Variants in MAML1 observed in about 807,000 individuals in gnomAD.
MAML1 encodes the protein mastermind like transcriptional coactivator 1.
Under a neutral mutation model 77.1 loss-of-function variants are expected in MAML1, and 14 were observed. The ratio of observed to expected loss-of-function variants is 0.18; its 90% CI spans 0.12 to 0.28. MAML1 has a LOEUF of 0.28. Ranked by LOEUF, MAML1 falls within the 10% of genes least tolerant of loss-of-function variation. The pLI, the probability that MAML1 is intolerant of heterozygous loss-of-function variation, is 1.00. For missense variants in MAML1, 1,217 were observed against 1,327.8 expected, an observed-to-expected ratio of 0.92 and a Z score of 1.30; for synonymous variants, 516 against 551.9, an observed-to-expected ratio of 0.93 and a Z score of 0.91.
rs1284195570 is a variant in MAML1 at position 179,776,259 on chromosome 5, C to T, written c.*1382C>T. The T allele has an allele frequency of 1.0e-6, 1 of 985,814 alleles. No individual in the cohort carries two copies. Among genetic ancestry groups the T allele is most frequent in the African/African-American group, 1.7e-5 (1 of 57,322 alleles). The allele number at this position is 985,814 out of a possible 1,614,324, so 61.1% of individuals were successfully genotyped here. On this transcript the variant is annotated 3_prime_UTR_variant, in exon 5 of 5. Transcript: ENST00000292599. ...GAGTGTTCTGTGGAGAAACTGCAGC[C>T]CCACTTCTGTTTCCCTGGAGTCTCC...
At chr5:179,763,189 G>C (rs1371092378) in intron 1 of MAML1, among the ~76,000 whole-genome samples, 3 of 152,184 alleles carry the variant, frequency 2.0e-5, no homozygotes, top group Non-Finnish European at 2.9e-5. Context: ...TGAAAATCAA[G>C]GAAATGTTAG....
Position 179,733,229 on chromosome 5 carries a change from C to T in MAML1, c.117C>T (p.Ala39=), listed in dbSNP as rs1234405374. The change falls in exon 1 of 5, where the codon GCC becomes GCT. Residue 39 remains alanine, a synonymous_variant. Coordinates refer to ENST00000292599, the MANE Select transcript of MAML1 (RefSeq NM_014757.5). ...GGCGCCACCACAGCACCTGCGAGGC[C>T]CGCTACGAGGCCGTGTCGCCCGAGC... ...LCRRHHSTCE[A]RYEAVSPERL... is the part of the protein sequence containing the mutation. 6.8e-6 allele frequency: 10 copies of T among 1,477,544 alleles called. No individual in the cohort carries two copies. The highest frequency in any genetic ancestry group is 1.5e-5 in the African/African-American group (1 of 68,056). 91.5% of individuals were successfully genotyped at this position (1,477,544 alleles called of 1,614,324 possible). A position where few individuals can be genotyped will look rare whatever the true frequency, so the allele number is the denominator to read the frequency against.
chr5:179,756,331 G>A (rs1413466910), intron 1 of MAML1, among the ~76,000 whole-genome samples: 6 of 151,534 alleles, frequency 4.0e-5, no homozygotes, highest in East Asian at 3.9e-4. Context: ...AGGCTGAGGC[G>A]GGGGAGTGGC....
intron 1 of MAML1, among the ~76,000 whole-genome samples, chr5:179,739,353 CAAATA>C (rs916451483): frequency 2.7e-5 from 4 of 150,640 alleles, no homozygotes; most frequent in African/African-American, 9.7e-5. Flanking sequence ...CTCCATCTCT[CAAATA>C]GAATAGAATA....
chr5:179,749,363 T>C (rs1266213737), intron 1 of MAML1, among the ~76,000 whole-genome samples: 2 of 152,156 alleles, frequency 1.3e-5, no homozygotes, highest in African/African-American at 4.8e-5. Flanking sequence ...CAACCTCAAG[T>C]GATCCGCTTG....
At chr5:179,742,301 CA>C (rs1460225692) in intron 1 of MAML1, among the ~76,000 whole-genome samples, 1 of 151,476 alleles carries the variant, frequency 6.6e-6, no homozygotes, top group Non-Finnish European at 1.5e-5. Flanking sequence ...CCAGTCTGGC[CA>C]ATATGGTGAA....
chr5:179,774,054 C>T lies in MAML1; in HGVS notation c.2228C>T (p.Ala743Val). 1 of 1,614,162 alleles carries T rather than the reference C, an allele frequency of 6.2e-7. No homozygotes were observed. The highest frequency in any genetic ancestry group is 8.5e-7 in the Non-Finnish European group (1 of 1,180,054). The change falls in exon 5 of 5, where the codon GCT becomes GTT. Residue 743 changes from alanine to valine, a missense_variant. Coordinates refer to ENST00000292599, the MANE Select transcript of MAML1 (RefSeq NM_014757.5). ...TNSGQQDRGV[A>V]QFPGSQNMPQ... Reference sequence around the variant, plus strand: ...TCAGGCCAACAGGACCGGGGTGTGGCTCAGTTCCCTGGCTCCCAAAACATG... The same window carrying T: ...TCAGGCCAACAGGACCGGGGTGTGGTTCAGTTCCCTGGCTCCCAAAACATG...
intron 4 of MAML1, among the ~76,000 whole-genome samples, chr5:179,772,418 C>T (rs1756019405): frequency 6.6e-6 from 1 of 152,090 alleles, no homozygotes; most frequent in African/African-American, 2.4e-5. Context: ...TGCCCGGCCC[C>T]AATTTTTATT....
At chr5:179,742,837 T>C (rs2113339674) in intron 1 of MAML1, among the ~76,000 whole-genome samples, 1 of 152,192 alleles carries the variant, frequency 6.6e-6, no homozygotes, top group South Asian at 2.1e-4. Flanking sequence ...TTTCAAATCT[T>C]TAATATGCGG....
intron 4 of MAML1, among the ~76,000 whole-genome samples, chr5:179,772,782 C>G: frequency 6.6e-6 from 1 of 152,174 alleles, no homozygotes; most frequent in Non-Finnish European, 1.5e-5. Context: ...ACCTCCACCC[C>G]CCATTCCCAC....
At chr5:179,741,194 G>A (rs934544023) in intron 1 of MAML1, among the ~76,000 whole-genome samples, 28 of 152,078 alleles carry the variant, frequency 1.8e-4, no homozygotes, top group African/African-American at 4.8e-4. Context: ...AATTCCCAGC[G>A]TTCAGTTGGT....
chr5:179,775,220 A>C lies in MAML1; in HGVS notation c.*343A>C. ...TGTCGGGCTTATAAAAATCTGTGCC[A>C]TCATGGTGATTTTATCCAAGACTGC... On this transcript the variant is annotated 3_prime_UTR_variant, in exon 5 of 5. Transcript: ENST00000292599. The C allele has an allele frequency of 9.6e-7, 1 of 1,039,156 alleles. No homozygotes were observed. Among genetic ancestry groups the C allele is most frequent in the Non-Finnish European group, 1.2e-6 (1 of 865,110 alleles). The allele number at this position is 1,039,156 out of a possible 1,614,324, so 64.4% of individuals were successfully genotyped here.
intron 1 of MAML1, among the ~76,000 whole-genome samples, chr5:179,752,645 C>T (rs1215192779): frequency 5.8e-5 from 7 of 121,540 alleles, no homozygotes; most frequent in Non-Finnish European, 1.1e-4. Flanking sequence ...CTCGCTCTGT[C>T]GCCCAGGCTG....
intron 1 of MAML1, among the ~76,000 whole-genome samples, chr5:179,737,217 T>C (rs62406178): frequency 0.22 from 33,993 of 152,092 alleles, 4,440 homozygotes; most frequent in Non-Finnish European, 0.3. Context: ...CCTTGACTTA[T>C]GGATTTCTTG....
chr5:179,774,531 T>C lies in MAML1; in HGVS notation c.2705T>C (p.Leu902Ser). Residue 902 changes from leucine to serine, a missense_variant, in exon 5 of 5, where the codon TTG (leucine) becomes TCG (serine). By Grantham distance (145) the Leu-to-Ser change is moderately radical. This residue lies in a region of MAML1 where 884 missense variants were observed against 949.3 expected (regional missense o/e 0.93). Transcript: ENST00000292599. Reference sequence around the variant, plus strand: ...AGCTCAGCAGCTGCCGTGGGGTCCTTGCTACCCCCAGTGAGTGCACAGCAG... The same window carrying C: ...AGCTCAGCAGCTGCCGTGGGGTCCTCGCTACCCCCAGTGAGTGCACAGCAG... ...PMSSAAAVGS[L>S]LPPVSAQQRT... 1 of 1,613,072 alleles carries C rather than the reference T, an allele frequency of 6.2e-7. No individual in the cohort carries two copies. The highest frequency in any genetic ancestry group is 8.5e-7 in the Non-Finnish European group (1 of 1,179,980).
intron 1 of MAML1, among the ~76,000 whole-genome samples, chr5:179,752,079 G>T (rs1403957478): frequency 6.6e-6 from 1 of 151,810 alleles, no homozygotes; most frequent in Non-Finnish European, 1.5e-5. Flanking sequence ...TGTAATCCCA[G>T]CACTTTGGGA....
Position 179,765,393 on chromosome 5 carries a change from A to G in MAML1, c.383A>G (p.Asn128Ser). The G allele has an allele frequency of 1.2e-6, 2 of 1,613,698 alleles. No homozygotes were observed. Among genetic ancestry groups the G allele is most frequent in the Non-Finnish European group, 1.7e-6 (2 of 1,179,874 alleles). Residue 128 changes from asparagine to serine, a missense_variant, in exon 2 of 5, where the codon AAT becomes AGT. This residue lies in a region of MAML1 where 312 missense variants were observed against 331.4 expected (regional missense o/e 0.94). Transcript: ENST00000292599. ...TCCCCTCAGAATGGCGATCAACAGA[A>G]TGGCTACGGGGACCTCTTTCCTGGG... ...ATSPQNGDQQ[N>S]GYGDLFPGHK... is the part of the protein sequence containing the mutation.
intron 1 of MAML1, among the ~76,000 whole-genome samples, chr5:179,742,349 C>T (rs1424218132): frequency 1.3e-5 from 2 of 151,118 alleles, no homozygotes; most frequent in Non-Finnish European, 2.9e-5. Flanking sequence ...ATTAGCCGGA[C>T]GTGGTGGTAC....
chr5:179,752,516 T>G (rs1218524746), intron 1 of MAML1, among the ~76,000 whole-genome samples: 1 of 150,406 alleles, frequency 6.6e-6, no homozygotes, highest in African/African-American at 2.4e-5. Context: ...TTGCCCACAC[T>G]TGTGGCTGGC....
Sources: allele counts gnomAD v4.1 joint callset (sites outside exome capture counted in the v4.1 genomes callset), GRCh38; gene constraint gnomAD v4.1.1; regional missense constraint gnomAD v4.1.1; transcripts MANE v1.5; gene names NCBI Gene and HGNC (gene_info 2026-07-23, HGNC 2026-07-21).